Variants in ERCC6 observed in about 807,000 individuals in gnomAD.
The protein encoded by ERCC6 is ERCC excision repair 6, chromatin remodeling factor.
In ERCC6, 116 loss-of-function variants were observed where a neutral mutation model predicts 158.7. That is an observed-to-expected ratio of 0.73 (90% CI 0.63 to 0.85). The LOEUF (loss-of-function observed/expected upper bound fraction) is 0.85. Ranked by LOEUF, ERCC6 falls within the 40% of genes least tolerant of loss-of-function variation. The probability of loss-of-function intolerance (pLI) is 0.00; values close to 1 mark genes in which losing one functional copy is unlikely to be tolerated. For missense variants in ERCC6, 1,698 were observed against 1,799.4 expected (o/e 0.94, Z 1.02); for synonymous variants, 678 against 659.3 (o/e 1.03, Z -0.43).
chr10:49,438,625 C>G, the ERCC6 span, among the ~76,000 whole-genome samples: 1 of 152,150 alleles, frequency 6.6e-6, no homozygotes, highest in African/African-American at 2.4e-5. Context: ...CCAATCATGC[C>G]TTCCCAACAG....
downstream of ERCC6, among the ~76,000 whole-genome samples, chr10:49,450,839 T>C (rs1850411485): frequency 1.3e-5 from 2 of 150,388 alleles, no homozygotes; most frequent in Admixed American, 6.7e-5. Context: ...TGAGATGGAG[T>C]CTCGCTTTGT....
Position 49,539,049 on chromosome 10 carries a change from C to G in ERCC6, c.-102G>C, listed in dbSNP as rs1398554610. On this transcript the variant is annotated 5_prime_UTR_variant, in exon 1 of 21. Coordinates refer to ENST00000355832, the MANE Select transcript of ERCC6 (RefSeq NM_000124.4). ...CCAGCTCGACGGGCCGTGGCGCCTGCGCCCTCAGCTCAACCATAGACACCG... is the reference window on the plus strand; with the variant it reads ...CCAGCTCGACGGGCCGTGGCGCCTGGGCCCTCAGCTCAACCATAGACACCG... 1 of 152,530 alleles carries G rather than the reference C, an allele frequency of 6.6e-6. No homozygotes were observed. The highest frequency in any genetic ancestry group is 2.4e-5 in the African/African-American group (1 of 41,466). 9.4% of individuals were successfully genotyped at this position (152,530 alleles called of 1,614,324 possible). A position where few individuals can be genotyped will look rare whatever the true frequency, so the allele number is the denominator to read the frequency against.
chr10:49,447,541 A>T, the ERCC6 span, among the ~76,000 whole-genome samples: 2 of 152,078 alleles, frequency 1.3e-5, no homozygotes, highest in African/African-American at 4.8e-5. Context: ...TACAAAAAAA[A>T]TTAGCCGGGC....
At chr10:49,505,012 C>A (rs543967433) in intron 6 of ERCC6, 14 of 152,272 alleles carry the variant, frequency 9.2e-5, no homozygotes, top group African/African-American at 3.1e-4. Flanking sequence ...ACAGCTGAAT[C>A]TATAAAGGAG....
At chr10:49,476,351 A>G (rs2132544439) in intron 11 of ERCC6, 41 bp from the exon 12 acceptor site, 1 of 1,362,714 alleles carries the variant, frequency 7.3e-7, no homozygotes, top group African/African-American at 1.4e-5. Context: ...TTTCAAAAAA[A>G]AAATTAACAG....
chr10:49,524,208 G>A lies in ERCC6; in HGVS notation c.1222C>T (p.Pro408Ser). 1.2e-6 allele frequency: 2 copies of A among 1,614,022 alleles called. No individual in the cohort carries two copies. Among genetic ancestry groups the A allele is most frequent in the South Asian group, 1.1e-5 (1 of 91,064 alleles). The change falls in exon 5 of 21, where the codon CCC (proline) becomes TCC (serine). Residue 408 changes from proline (P) to serine (S), a missense_variant. By Grantham distance (74) the Pro-to-Ser change is moderately conservative. Coordinates refer to ENST00000355832, the MANE Select transcript of ERCC6 (RefSeq NM_000124.4). ...TTCTTCTGCCGTTTCCCGCCCTTGGGCAGAGGCTTCAGCTCATAGTCAGTA... is the reference window on the plus strand; with the variant it reads ...TTCTTCTGCCGTTTCCCGCCCTTGGACAGAGGCTTCAGCTCATAGTCAGTA... ...DGTDYELKPL[P>S]KGGKRQKKVP...
intron 6 of ERCC6, chr10:49,503,302 TG>T: frequency 6.6e-6 from 1 of 152,254 alleles, no homozygotes; most frequent in South Asian, 2.1e-4. Flanking sequence ...TACAATGTGC[TG>T]GGTGTTTCCT....
At chr10:49,534,711 A>C (rs893615246) in intron 1 of ERCC6, among the ~76,000 whole-genome samples, 1 of 152,210 alleles carries the variant, frequency 6.6e-6, no homozygotes, top group Non-Finnish European at 1.5e-5. Flanking sequence ...ACATCTAATA[A>C]ATATATTAAA....
chr10:49,459,320 A>G (rs1850536336), intron 20 of ERCC6, 86 bp from the exon 21 acceptor site: 7 of 1,437,144 alleles, frequency 4.9e-6, no homozygotes, highest in Non-Finnish European at 6.8e-6. Context: ...AAGGGTCACA[A>G]GACAACACAT....
At chr10:49,509,675 T>C (rs2132587199) in intron 5 of ERCC6, among the ~76,000 whole-genome samples, 2 of 152,230 alleles carry the variant, frequency 1.3e-5, no homozygotes, top group East Asian at 3.9e-4. Context: ...GGGTAAGAAT[T>C]AAAATCTGGG....
At chr10:49,525,026 A>G in intron 4 of ERCC6, 1 of 825,748 alleles carries the variant, frequency 1.2e-6, no homozygotes, top group Non-Finnish European at 1.8e-6. Flanking sequence ...CACTATAAAT[A>G]TACTCTCTGC....
At chr10:49,459,368 C>T (rs545491384) in intron 20 of ERCC6, 134 bp from the exon 21 acceptor site, 1 of 865,156 alleles carries the variant, frequency 1.2e-6, no homozygotes, top group African/African-American at 1.7e-5. Context: ...GAGACTGAGA[C>T]TCCACCTAAT....
At chr10:49,535,014 A>G (rs1837564794) in intron 1 of ERCC6, among the ~76,000 whole-genome samples, 1 of 152,216 alleles carries the variant, frequency 6.6e-6, no homozygotes, top group African/African-American at 2.4e-5. Flanking sequence ...CGAACTATAT[A>G]TGGTGTCTGG....
At chr10:49,489,026 G>A (rs1379498384) in intron 8 of ERCC6, among the ~76,000 whole-genome samples, 4 of 152,048 alleles carry the variant, frequency 2.6e-5, no homozygotes, top group East Asian at 1.9e-4. Context: ...CTCATGATCC[G>A]CCGGCCTCAG....
intron 5 of ERCC6, among the ~76,000 whole-genome samples, chr10:49,521,545 T>C (rs1428764585): frequency 1.3e-5 from 2 of 152,040 alleles, no homozygotes; most frequent in African/African-American, 4.8e-5. Context: ...AATGAAAAAA[T>C]AATGTATGTT....
chr10:49,449,188 A>G (rs1850392156), downstream of ERCC6, among the ~76,000 whole-genome samples: 1 of 152,216 alleles, frequency 6.6e-6, no homozygotes, highest in African/African-American at 2.4e-5. Context: ...GTGAAGTGAT[A>G]TCTCATTGTG....
At chr10:49,500,308 T>G (rs187101379) in intron 7 of ERCC6, among the ~76,000 whole-genome samples, 1 of 152,290 alleles carries the variant, frequency 6.6e-6, no homozygotes, top group East Asian at 1.9e-4. Context: ...ATCTGCAAAA[T>G]GAAGCATCAA....
the ERCC6 span, among the ~76,000 whole-genome samples, chr10:49,438,935 T>C: frequency 6.6e-6 from 1 of 152,192 alleles, no homozygotes; most frequent in Non-Finnish European, 1.5e-5. Flanking sequence ...CACGCTGATG[T>C]AAAAAGTAGG....
At chr10:49,487,483 G>C (rs377124191) in intron 8 of ERCC6, among the ~76,000 whole-genome samples, 1 of 152,090 alleles carries the variant, frequency 6.6e-6, no homozygotes, top group Non-Finnish European at 1.5e-5. Flanking sequence ...ACACACGTAC[G>C]GGTTCCCTCA....
Sources: allele counts gnomAD v4.1 joint callset (sites outside exome capture counted in the v4.1 genomes callset), GRCh38; gene constraint gnomAD v4.1.1; transcripts MANE v1.5; gene names NCBI Gene and HGNC (gene_info 2026-07-23, HGNC 2026-07-21).